The following SPOCK3 variants were observed in gnomAD, a reference collection of about 807,000 sequenced individuals.
SPOCK3 encodes the protein testican-3.
In SPOCK3, 30 loss-of-function variants were observed where a neutral mutation model predicts 56.6. The ratio of observed to expected loss-of-function variants is 0.53; its 90% CI spans 0.40 to 0.72. SPOCK3 has a LOEUF of 0.72. Ranked by LOEUF, SPOCK3 falls within the 30% of genes least tolerant of loss-of-function variation. The pLI is 0.00. For synonymous variants in SPOCK3, 196 were observed against 183.3 expected, an observed-to-expected ratio of 1.07 and a Z score of -0.56; for missense variants, 527 against 530.0, an observed-to-expected ratio of 0.99 and a Z score of 0.06.
chr4:167,021,953 C>T (rs1016603510), intron 3 of SPOCK3, among the ~76,000 whole-genome samples: 1 of 151,970 alleles, frequency 6.6e-6, no homozygotes, highest in African/African-American at 2.4e-5. Flanking sequence ...AATTGCAGTA[C>T]CCTAATACTA....
At chr4:167,176,585 T>A (rs1331471129) in intron 2 of SPOCK3, among the ~76,000 whole-genome samples, 1 of 152,148 alleles carries the variant, frequency 6.6e-6, no homozygotes, top group Non-Finnish European at 1.5e-5. Context: ...TATATTAAAC[T>A]AATTTTTTGC....
intron 7 of SPOCK3, among the ~76,000 whole-genome samples, chr4:166,775,087 G>A (rs1250162328): frequency 6.6e-6 from 1 of 152,132 alleles, no homozygotes; most frequent in Admixed American, 6.5e-5. Flanking sequence ...TAAAGGAAGT[G>A]AAATTATGAC....
chr4:167,035,330 C>A lies in SPOCK3; in HGVS notation c.235+27162G>T, dbSNP rs140935749. 4.6e-5 allele frequency among the ~76,000 whole-genome samples: 7 copies of A among 151,766 alleles called. No homozygotes were observed. The East Asian group carries it at 1.2e-3, about 25-fold the overall frequency. Reference sequence around the variant, plus strand: ...GATTACCAGAACATCTCAGTGTGATCCCATATTTAGAGTGAAGGACAATAC... The same window carrying A: ...GATTACCAGAACATCTCAGTGTGATACCATATTTAGAGTGAAGGACAATAC... On this transcript the variant is annotated intron_variant, in intron 3 of 10. Coordinates refer to ENST00000357545, the MANE Select transcript of SPOCK3 (RefSeq NM_001040159.2).
Position 166,904,143 on chromosome 4 carries a change from A to T in SPOCK3, c.474+8477T>A, listed in dbSNP as rs1383299916. On this transcript the variant is annotated intron_variant, in intron 5 of 10. Transcript: ENST00000357545. ...CTATATTTTTATTCATAGCCATATTATTAGTCCTGCTCCTTACTAGTTCTA... is the reference window on the plus strand; with the variant it reads ...CTATATTTTTATTCATAGCCATATTTTTAGTCCTGCTCCTTACTAGTTCTA... Among the ~76,000 whole-genome samples the T allele has an allele frequency of 3.3e-5, 5 of 151,928 alleles. No individual in the cohort carries two copies. The East Asian group carries it at 7.7e-4, about 23-fold the overall frequency.
chr4:166,859,371 G>A (rs1244547866), intron 6 of SPOCK3, among the ~76,000 whole-genome samples: 4 of 152,070 alleles, frequency 2.6e-5, no homozygotes, highest in African/African-American at 9.7e-5. Context: ...TTCTAATAGA[G>A]GTTTATGTCT....
intron 6 of SPOCK3, among the ~76,000 whole-genome samples, chr4:166,852,160 G>C (rs1730188757): frequency 6.6e-6 from 1 of 151,926 alleles, no homozygotes; most frequent in African/African-American, 2.4e-5. Context: ...GTTGTGGGGA[G>C]GGGGGAGCGA....
chr4:166,911,227 C>T (rs1438378135), intron 5 of SPOCK3, among the ~76,000 whole-genome samples: 1 of 139,024 alleles, frequency 7.2e-6, no homozygotes, highest in Non-Finnish European at 1.5e-5. Context: ...TAAGGATACA[C>T]AGTACTTGGC....
intron 4 of SPOCK3, among the ~76,000 whole-genome samples, chr4:166,914,339 T>TA (rs1737607189): frequency 1.3e-5 from 2 of 152,144 alleles, no homozygotes; most frequent in South Asian, 4.1e-4. Context: ...ACATATAATT[T>TA]AAAAAACCCT....
chr4:166,754,687 C>T lies in SPOCK3; in HGVS notation c.752G>A (p.Gly251Asp). 7 of 1,613,530 alleles carry T rather than the reference C, an allele frequency of 4.3e-6. No homozygotes were observed. Among genetic ancestry groups the T allele is most frequent in the Non-Finnish European group, 5.9e-6 (7 of 1,179,684 alleles). Residue 251 changes from glycine (G) to aspartate (D), a missense_variant, in exon 8 of 11, where the codon GGC (glycine) becomes GAC (aspartate). Physicochemically the swap from Gly to Asp is moderately conservative, Grantham distance 94. Coordinates refer to ENST00000357545, the MANE Select transcript of SPOCK3 (RefSeq NM_001040159.2). ...TGTATCAAGTCTGTTAAACATCCAG[C>T]CAAGTGAGTCCTTGCAAATTGGCAA... is the stretch of plus-strand genomic sequence containing the variant. ...SILPICKDSL[G>D]WMFNRLDTNY...
At chr4:166,894,795 C>T (rs1168879978) in intron 5 of SPOCK3, among the ~76,000 whole-genome samples, 1 of 152,128 alleles carries the variant, frequency 6.6e-6, no homozygotes, top group Non-Finnish European at 1.5e-5. Flanking sequence ...ATCCTCTGGA[C>T]CAGTATATCT....
In SPOCK3 at chr4:167,162,855, A is replaced by C. The variant is rs549847640; in HGVS notation, c.189+71130T>G. On this transcript the variant is annotated intron_variant, in intron 2 of 10. Coordinates refer to ENST00000357545, the MANE Select transcript of SPOCK3 (RefSeq NM_001040159.2). ...TTCATACAATAATCATACTAAATTAAGTTTAGTATGCAAAATTATAGTGGA... is the reference window on the plus strand; with the variant it reads ...TTCATACAATAATCATACTAAATTACGTTTAGTATGCAAAATTATAGTGGA... Among the ~76,000 whole-genome samples, 17 of 152,170 alleles carry C rather than the reference A, an allele frequency of 1.1e-4. 1 individual carries two copies. In the South Asian group the frequency reaches 3.5e-3, roughly 32 times the overall value.
chr4:167,147,641 G>T (rs945061847), intron 2 of SPOCK3, among the ~76,000 whole-genome samples: 1 of 152,126 alleles, frequency 6.6e-6, no homozygotes. Flanking sequence ...TAAAAAGGAT[G>T]AGTTCATGTC....
chr4:166,806,988 A>G (rs1743232107), intron 6 of SPOCK3, among the ~76,000 whole-genome samples: 1 of 151,882 alleles, frequency 6.6e-6, no homozygotes, highest in South Asian at 2.1e-4. Flanking sequence ...ATTATAATAT[A>G]CTCTAATAAA....
At chr4:166,781,427 CAG>C (rs1170020538) in intron 7 of SPOCK3, among the ~76,000 whole-genome samples, 7 of 98,946 alleles carry the variant, frequency 7.1e-5, no homozygotes, top group African/African-American at 1.6e-4. Context: ...GAAAATAAAA[CAG>C]AGGAGGAGGA....
At chr4:167,142,443 C>T (rs148649896) in intron 2 of SPOCK3, among the ~76,000 whole-genome samples, 93 of 150,222 alleles carry the variant, frequency 6.2e-4, no homozygotes, top group African/African-American at 2.1e-3. Flanking sequence ...GAGGCAGCCA[C>T]GAGAAAAAAA....
At position 167,120,985 on chromosome 4, in the gene SPOCK3, A is replaced by G. The variant is rs539127299; in HGVS notation, c.190-58448T>C. ...ATTTTTTCAATATAAAAAAATGCCT[A>G]ACTCCACTGGATTACTAGTACTCCT... On this transcript the variant is annotated intron_variant, in intron 2 of 10. Transcript: ENST00000357545. Among the ~76,000 whole-genome samples the G allele has an allele frequency of 3.4e-4, 52 of 152,018 alleles. No individual in the cohort carries two copies. In the East Asian group the frequency reaches 9.3e-3, roughly 27 times the overall value.
At chr4:167,187,613 A>AT (rs1242211292) in intron 2 of SPOCK3, among the ~76,000 whole-genome samples, 1 of 151,438 alleles carries the variant, frequency 6.6e-6, no homozygotes, top group African/African-American at 2.4e-5. Context: ...ATGCTGTTTA[A>AT]TTTTTTTTCT....
intron 2 of SPOCK3, among the ~76,000 whole-genome samples, chr4:167,071,057 AC>A (rs1323895945): frequency 2.0e-5 from 3 of 151,976 alleles, no homozygotes; most frequent in African/African-American, 7.2e-5. Flanking sequence ...TGTCAAAAGG[AC>A]AGTGCCATTG....
At chr4:166,796,574 T>A (rs922186443) in intron 6 of SPOCK3, among the ~76,000 whole-genome samples, 1 of 152,286 alleles carries the variant, frequency 6.6e-6, no homozygotes, top group East Asian at 1.9e-4. Flanking sequence ...ATGTCACAGA[T>A]GATGAAATGA....
Sources: allele counts gnomAD v4.1 joint callset (sites outside exome capture counted in the v4.1 genomes callset), GRCh38; gene constraint gnomAD v4.1.1; transcripts MANE v1.5; gene names NCBI Gene and HGNC (gene_info 2026-07-23, HGNC 2026-07-21).